Variants in ASPRV1 observed in about 807,000 individuals in gnomAD.
The protein encoded by ASPRV1 is retroviral-like aspartic protease 1.
A neutral mutation model predicts 11.0 loss-of-function variants in ASPRV1; 7 were observed. The ratio of observed to expected loss-of-function variants is 0.64; its 90% CI spans 0.36 to 1.20. ASPRV1 has a LOEUF of 1.20. Among genes scored for constraint, ASPRV1 ranks in the 50% most tolerant of loss-of-function variants. ASPRV1 has a pLI of 0.02. For missense variants in ASPRV1, 299 were observed against 320.0 expected, an observed-to-expected ratio of 0.93 and a Z score of 0.50; for synonymous variants, 136 against 138.4, an observed-to-expected ratio of 0.98 and a Z score of 0.12.
At chr2:69,937,014 G>C in the ASPRV1 span, 1 of 667,068 alleles carries the variant, frequency 1.5e-6, no homozygotes, top group South Asian at 1.5e-5. Flanking sequence ...GAATCCCTGT[G>C]ACAGGACAAG....
the ASPRV1 span, among the ~76,000 whole-genome samples, chr2:70,016,661 T>C: frequency 6.6e-6 from 1 of 152,164 alleles, no homozygotes; most frequent in South Asian, 2.1e-4. Flanking sequence ...TTGGCCAACA[T>C]GGTGAAGACC....
chr2:70,030,590 T>C, the ASPRV1 span: 1 of 152,170 alleles, frequency 6.6e-6, no homozygotes, highest in African/African-American at 2.4e-5. Context: ...TGCAAGGCTT[T>C]CCAGACATTA....
the ASPRV1 span, among the ~76,000 whole-genome samples, chr2:70,081,658 A>T: frequency 6.6e-6 from 1 of 152,064 alleles, no homozygotes; most frequent in African/African-American, 2.4e-5. Flanking sequence ...ATCATGGCTC[A>T]ATACAGCCTC....
the ASPRV1 span, among the ~76,000 whole-genome samples, chr2:70,072,156 T>C: frequency 6.6e-6 from 1 of 151,724 alleles, no homozygotes; most frequent in Non-Finnish European, 1.5e-5. Context: ...TTCGCCACAT[T>C]GGCCAGTCTG....
chr2:69,944,456 A>T, the ASPRV1 span, among the ~76,000 whole-genome samples: 1 of 152,210 alleles, frequency 6.6e-6, no homozygotes, highest in African/African-American at 2.4e-5. Context: ...GAGCGCTAGC[A>T]TTATCCAAAC....
chr2:69,953,145 C>T, the ASPRV1 span, among the ~76,000 whole-genome samples: 6 of 152,236 alleles, frequency 3.9e-5, no homozygotes, highest in Non-Finnish European at 5.9e-5. Context: ...GCCACTGTTG[C>T]GTGTAAGACC....
At chr2:70,030,432 TC>T in the ASPRV1 span, 1 of 152,244 alleles carries the variant, frequency 6.6e-6, no homozygotes, top group Non-Finnish European at 1.5e-5. Flanking sequence ...CCCAGTCCTT[TC>T]CCTCTCGGTT....
chr2:69,992,258 G>C, the ASPRV1 span, among the ~76,000 whole-genome samples: 1 of 152,158 alleles, frequency 6.6e-6, no homozygotes, highest in Non-Finnish European at 1.5e-5. Context: ...TCGCCTAGCC[G>C]AGGGGAGTCG....
chr2:69,944,974 C>A, the ASPRV1 span, among the ~76,000 whole-genome samples: 1 of 152,012 alleles, frequency 6.6e-6, no homozygotes, highest in Non-Finnish European at 1.5e-5. Context: ...CCCTGGAGTC[C>A]CCATTACCCA....
At chr2:69,965,537 C>T (rs530994478), upstream of ASPRV1, among the ~76,000 whole-genome samples, 57 of 152,322 alleles carry the variant, frequency 3.7e-4, no homozygotes, top group Non-Finnish European at 5.6e-4. Context: ...ACATTCAAAG[C>T]GGGCAGGACA....
the ASPRV1 span, among the ~76,000 whole-genome samples, chr2:70,079,178 T>C: frequency 1.3e-5 from 2 of 152,110 alleles, no homozygotes; most frequent in Non-Finnish European, 2.9e-5. Flanking sequence ...CAGTGAATAG[T>C]TGGATATAAG....
chr2:70,040,168 G>A, the ASPRV1 span, among the ~76,000 whole-genome samples: 1 of 152,134 alleles, frequency 6.6e-6, no homozygotes, highest in African/African-American at 2.4e-5. Flanking sequence ...AGTGGTAGCT[G>A]AACCAATAAA....
At chr2:70,059,658 G>T in the ASPRV1 span, 1 of 166,482 alleles carries the variant, frequency 6.0e-6, no homozygotes, top group South Asian at 1.8e-4. Flanking sequence ...TGTACAATCA[G>T]TGGGAGCCCT....
the ASPRV1 span, among the ~76,000 whole-genome samples, chr2:69,982,713 C>T: frequency 6.6e-6 from 1 of 152,252 alleles, no homozygotes; most frequent in South Asian, 2.1e-4. Flanking sequence ...GCTGGGCAGT[C>T]CTGGGGGCTG....
At chr2:70,009,624 C>G in the ASPRV1 span, among the ~76,000 whole-genome samples, 1 of 152,208 alleles carries the variant, frequency 6.6e-6, no homozygotes, top group Non-Finnish European at 1.5e-5. Context: ...GCCACCACAC[C>G]TGGCCATAAC....
At chr2:70,082,102 G>A in the ASPRV1 span, among the ~76,000 whole-genome samples, 1 of 152,032 alleles carries the variant, frequency 6.6e-6, no homozygotes, top group Non-Finnish European at 1.5e-5. Context: ...AGCCTCCCGA[G>A]TAGCTGGGAT....
chr2:69,991,781 G>C, the ASPRV1 span, among the ~76,000 whole-genome samples: 7 of 152,088 alleles, frequency 4.6e-5, no homozygotes, highest in East Asian at 5.8e-4. Flanking sequence ...CCCGACCTCA[G>C]GCAATCCGCC....
chr2:70,082,232 G>A, the ASPRV1 span, among the ~76,000 whole-genome samples: 6 of 151,702 alleles, frequency 4.0e-5, no homozygotes, highest in East Asian at 1.2e-3. Context: ...TGGTCTACCC[G>A]CCTCACCACC....
the ASPRV1 span, among the ~76,000 whole-genome samples, chr2:69,952,252 G>A: frequency 2.0e-5 from 3 of 152,162 alleles, no homozygotes; most frequent in Admixed American, 6.5e-5. Flanking sequence ...TTGCCTGGCC[G>A]GGTGCAGTGG....
Sources: allele counts gnomAD v4.1 joint callset (sites outside exome capture counted in the v4.1 genomes callset), GRCh38; gene constraint gnomAD v4.1.1; transcripts MANE v1.5; gene names NCBI Gene and HGNC (gene_info 2026-07-23, HGNC 2026-07-21).